Variants in CHPT1 observed in about 807,000 individuals in gnomAD.
CHPT1 encodes the protein choline phosphotransferase 1.
A neutral mutation model predicts 47.6 loss-of-function variants in CHPT1; 36 were observed. The ratio of observed to expected loss-of-function variants is 0.76; its 90% CI spans 0.58 to 1.00. The LOEUF (loss-of-function observed/expected upper bound fraction) is 1.00. Among genes scored for constraint, CHPT1 ranks in the 50% least tolerant of loss-of-function variants. CHPT1 has a pLI of 0.00. For missense variants in CHPT1, 458 were observed against 498.1 expected (o/e 0.92, Z 0.77); for synonymous variants, 194 against 186.3 (o/e 1.04, Z -0.33).
At position 101,711,190 on chromosome 12, in the gene CHPT1, C is replaced by T. The variant is rs924574954; in HGVS notation, c.274-2900C>T. On this transcript the variant is annotated intron_variant, in intron 1 of 8. Transcript: ENST00000229266. Reference sequence around the variant, plus strand: ...TAAGAACAAAAACTGTAAAACTATACCCAAAGGAAATGAAATCATCGCCGT... The same window carrying T: ...TAAGAACAAAAACTGTAAAACTATATCCAAAGGAAATGAAATCATCGCCGT... Among the ~76,000 whole-genome samples the T allele has an allele frequency of 2.7e-5, 4 of 148,304 alleles. No individual in the cohort carries two copies. The Admixed American group carries it at 2.8e-4, about 10-fold the overall frequency.
At chr12:101,723,365 T>C in intron 6 of CHPT1, 39 bp downstream of exon 6, 1 of 1,209,382 alleles carries the variant, frequency 8.3e-7, no homozygotes, top group Non-Finnish European at 1.2e-6. Flanking sequence ...AATAATATAC[T>C]TAGTCGTCAA....
At chr12:101,713,666 G>A (rs1288913519) in intron 1 of CHPT1, among the ~76,000 whole-genome samples, 1 of 140,080 alleles carries the variant, frequency 7.1e-6, no homozygotes, top group African/African-American at 2.5e-5. Flanking sequence ...TGCCTTTCTA[G>A]TTATATAAGG....
At position 101,717,034 on chromosome 12, in the gene CHPT1, T is replaced by C. The variant is rs1311560341; in HGVS notation, c.648+222T>C. On this transcript the variant is annotated intron_variant, in intron 4 of 8. Coordinates refer to ENST00000229266, the MANE Select transcript of CHPT1 (RefSeq NM_020244.3). ...CATTTCCTCCTATGCTTGAGTATAT[T>C]GCCACATAGAAGAAGACAACCTCAT... Among the ~76,000 whole-genome samples, 4 of 151,946 alleles carry C rather than the reference T, an allele frequency of 2.6e-5. No individual in the cohort carries two copies. The East Asian group carries it at 7.7e-4, about 29-fold the overall frequency.
At chr12:101,710,810 T>G (rs1951693993) in intron 1 of CHPT1, among the ~76,000 whole-genome samples, 2 of 148,844 alleles carry the variant, frequency 1.3e-5, no homozygotes, top group Non-Finnish European at 3.0e-5. Flanking sequence ...AGATCCAGAT[T>G]TTCAGTATAA....
At position 101,699,334 on chromosome 12, in the gene CHPT1, G is replaced by A. The variant is rs181998402; in HGVS notation, c.273+1200G>A. Among the ~76,000 whole-genome samples the A allele has an allele frequency of 1.8e-3, 271 of 151,008 alleles. 2 individuals are homozygous for A. Among genetic ancestry groups the A allele is most frequent in the African/African-American group, 6.2e-3 (253 of 40,992 alleles). ...CCTTTAAAAACAAAAATTTGATCGA[G>A]CCTACATTTTAAAATATCTTGTCAA... On this transcript the variant is annotated intron_variant, in intron 1 of 8. Transcript: ENST00000229266.
At chr12:101,728,749 G>T in intron 8 of CHPT1, 152 bp from the exon 9 acceptor site, 1 of 799,796 alleles carries the variant, frequency 1.3e-6, no homozygotes, top group East Asian at 2.7e-5. Context: ...AGGAATAGTT[G>T]CTAACTAACT....
At chr12:101,703,490 T>C (rs1951583556) in intron 1 of CHPT1, among the ~76,000 whole-genome samples, 1 of 152,230 alleles carries the variant, frequency 6.6e-6, no homozygotes, top group African/African-American at 2.4e-5. Flanking sequence ...TTGCCGCAGC[T>C]TATAACCTGC....
At chr12:101,721,438 T>C (rs1176427068) in intron 5 of CHPT1, among the ~76,000 whole-genome samples, 1 of 151,998 alleles carries the variant, frequency 6.6e-6, no homozygotes, top group Non-Finnish European at 1.5e-5. Context: ...GCATTTTTAG[T>C]AAAAAAAAGT....
At chr12:101,708,317 A>T (rs1437092555) in intron 1 of CHPT1, among the ~76,000 whole-genome samples, 2 of 152,132 alleles carry the variant, frequency 1.3e-5, no homozygotes, top group African/African-American at 2.4e-5. Flanking sequence ...TTGAAAAACA[A>T]TTTAAATTTT....
chr12:101,729,074 A>G lies in CHPT1; in HGVS notation c.*129A>G. 1 of 1,607,408 alleles carries G rather than the reference A, an allele frequency of 6.2e-7. No homozygotes were observed. Among genetic ancestry groups the G allele is most frequent in the Non-Finnish European group, 8.5e-7 (1 of 1,175,022 alleles). On this transcript the variant is annotated 3_prime_UTR_variant, in exon 9 of 9. Transcript: ENST00000229266. ...ATAAAATATTTCATTGCTTATATTA[A>G]TCCTTATTTTTTCAATTTCAATATG...
chr12:101,724,584 A>G (rs954364682), intron 7 of CHPT1, among the ~76,000 whole-genome samples: 3 of 152,200 alleles, frequency 2.0e-5, no homozygotes, highest in Admixed American at 6.5e-5. Context: ...CAGAATAGAC[A>G]GTGCTACTAA....
intron 1 of CHPT1, among the ~76,000 whole-genome samples, chr12:101,699,576 C>T (rs557331354): frequency 2.6e-5 from 4 of 151,950 alleles, no homozygotes; most frequent in Admixed American, 6.6e-5. Context: ...TTAGTAGAGA[C>T]GGGGTTTCAC....
At chr12:101,702,466 G>A (rs1287755032) in intron 1 of CHPT1, among the ~76,000 whole-genome samples, 1 of 152,122 alleles carries the variant, frequency 6.6e-6, no homozygotes, top group Admixed American at 6.5e-5. Flanking sequence ...AACACCTTAA[G>A]AAATGGTTTA....
Position 101,720,207 on chromosome 12 carries a change from C to A in CHPT1, c.733C>A (p.His245Asn). ...AATATTTTCCTGTTCAAATTATTTC[C>A]ATGTTATCCTCCATGGTGGTGTTGG... Reference protein sequence around the residue: ...GVIFSCSNYFHVILHGGVGKN... With the variant: ...GVIFSCSNYFNVILHGGVGKN... The change falls in exon 5 of 9, where the codon CAT becomes AAT. Residue 245 changes from histidine (H) to asparagine (N), a missense_variant. Physicochemically the swap from His to Asn is moderately conservative, Grantham distance 68 (BLOSUM62 1). Transcript: ENST00000229266. 2 of 1,603,606 alleles carry A rather than the reference C, an allele frequency of 1.2e-6. No homozygotes were observed. Among genetic ancestry groups the A allele is most frequent in the Non-Finnish European group, 1.7e-6 (2 of 1,175,066 alleles).
At chr12:101,710,326 CAG>C (rs1461186414) in intron 1 of CHPT1, among the ~76,000 whole-genome samples, 1 of 149,026 alleles carries the variant, frequency 6.7e-6, no homozygotes, top group African/African-American at 2.4e-5. Context: ...GCCTGGGCGA[CAG>C]AGCGAGACCC....
intron 1 of CHPT1, among the ~76,000 whole-genome samples, chr12:101,713,552 G>A (rs558241553): frequency 3.9e-4 from 60 of 152,288 alleles, no homozygotes; most frequent in African/African-American, 1.4e-3. Context: ...CAGTCGCAGG[G>A]CTCATCTCAT....
At chr12:101,726,798 G>A in intron 8 of CHPT1, 1 of 225,904 alleles carries the variant, frequency 4.4e-6, no homozygotes, top group Non-Finnish European at 8.6e-6. Context: ...TCTTGAGGGT[G>A]CTTACTTTGA....
At chr12:101,714,720 G>C (rs989862889) in intron 3 of CHPT1, 75 bp downstream of exon 3, 3 of 1,399,672 alleles carry the variant, frequency 2.1e-6, no homozygotes, top group Non-Finnish European at 2.9e-6. Flanking sequence ...GTCATTCATC[G>C]ATAATAAGGA....
chr12:101,723,430 A>T, intron 6 of CHPT1, 104 bp downstream of exon 6: 1 of 734,326 alleles, frequency 1.4e-6, no homozygotes, highest in East Asian at 2.8e-5. Flanking sequence ...TGTAGTGTAA[A>T]ATCATAATAA....
Sources: gnomAD v4.1 joint callset for allele counts (sites outside exome capture counted in the v4.1 genomes callset) on GRCh38, gnomAD v4.1.1 for gene constraint, MANE v1.5 for transcripts, NCBI Gene and HGNC (gene_info 2026-07-23, HGNC 2026-07-21) for gene names.